Variants in ZNF721 observed in about 807,000 individuals in gnomAD.
The protein encoded by ZNF721 is zinc finger protein 721.
ZNF721 carries 2 observed loss-of-function variants against 2.4 expected under a neutral mutation model. That is an observed-to-expected ratio of 0.82 (90% confidence interval 0.34 to 2.58). The LOEUF is 2.58. Among genes scored for constraint, ZNF721 ranks in the 30% most tolerant of loss-of-function variants. ZNF721 has a pLI of 0.11. For synonymous variants in ZNF721, 398 were observed against 381.8 expected (o/e 1.04, Z -0.50); for missense variants, 1,187 against 1,085.5 (o/e 1.09, Z -1.31).
intron 1 of ZNF721, among the ~76,000 whole-genome samples, chr4:478,751 T>C (rs1412070788): frequency 2.6e-5 from 4 of 151,374 alleles, no homozygotes; most frequent in African/African-American, 9.7e-5. Context: ...TTTTGTACAT[T>C]GTGCAAAGGA....
At chr4:448,767 A>G (rs1714559183) in intron 2 of ZNF721, among the ~76,000 whole-genome samples, 1 of 152,230 alleles carries the variant, frequency 6.6e-6, no homozygotes, top group Non-Finnish European at 1.5e-5. Flanking sequence ...AAATCTGCCA[A>G]AAATACAAAC....
intron 2 of ZNF721, among the ~76,000 whole-genome samples, chr4:464,600 G>C (rs1049979405): frequency 4.6e-5 from 7 of 151,922 alleles, no homozygotes; most frequent in Non-Finnish European, 5.9e-5. Flanking sequence ...AAGATGTAAA[G>C]TGTGACATAA....
chr4:456,771 T>C (rs1001260128), intron 2 of ZNF721, among the ~76,000 whole-genome samples: 12 of 152,080 alleles, frequency 7.9e-5, no homozygotes, highest in Non-Finnish European at 1.5e-4. Context: ...ACCAGCTACT[T>C]GGGAGCCTGA....
At chr4:468,072 G>T (rs1715311589) in intron 2 of ZNF721, among the ~76,000 whole-genome samples, 1 of 152,164 alleles carries the variant, frequency 6.6e-6, no homozygotes, top group Non-Finnish European at 1.5e-5. Flanking sequence ...GAGGTCAGGA[G>T]ATCGAGACCG....
Position 499,074 on chromosome 4 carries a change from C to G in ZNF721, c.-112G>C, listed in dbSNP as rs920886028. ...CTCGTACCTCGCCGTGGGCGGCGAC[C>G]GTCGCGGACTCGCCGGGAAGACGGC... On this transcript the variant is annotated 5_prime_UTR_variant, in exon 1 of 3. Transcript: ENST00000511833. The G allele has an allele frequency of 2.1e-5, 11 of 534,740 alleles. No homozygotes were observed. The Admixed American group carries it at 2.2e-4, about 11-fold the overall frequency. 33.1% of individuals were successfully genotyped at this position (534,740 alleles called of 1,614,324 possible).
chr4:449,535 C>T lies in ZNF721; in HGVS notation c.35-5103G>A, dbSNP rs553534530. Among the ~76,000 whole-genome samples the T allele has an allele frequency of 1.1e-4, 16 of 152,172 alleles. No individual in the cohort carries two copies. In the South Asian group the frequency reaches 3.3e-3, roughly 32 times the overall value. Reference sequence around the variant, plus strand: ...TACCACACAGTACAGAGCAAAGAATCTTAAGACCTCAAAAGCACAGGCAGA... The same window carrying T: ...TACCACACAGTACAGAGCAAAGAATTTTAAGACCTCAAAAGCACAGGCAGA... On this transcript the variant is annotated intron_variant, in intron 2 of 2. Coordinates refer to ENST00000511833, the MANE Select transcript of ZNF721 (RefSeq NM_133474.4).
chr4:462,368 A>G (rs1027771717), intron 2 of ZNF721, among the ~76,000 whole-genome samples: 2 of 152,226 alleles, frequency 1.3e-5, no homozygotes, highest in Admixed American at 6.5e-5. Flanking sequence ...CCATCAAGCT[A>G]CCACTGACTT....
chr4:467,202 G>A (rs1273208329), intron 2 of ZNF721, among the ~76,000 whole-genome samples: 1 of 148,424 alleles, frequency 6.7e-6, no homozygotes, highest in African/African-American at 2.6e-5. Flanking sequence ...GGGTGACAGA[G>A]CAAGACTCCA....
At position 443,378 on chromosome 4, in the gene ZNF721, G is replaced by C; in HGVS notation, c.1089C>G (p.Cys363Trp). The change falls in exon 3 of 3, where the codon TGC becomes TGG. Residue 363 changes from cysteine (C) to tryptophan (W), a missense_variant. Transcript: ENST00000511833. ...GTCCAAAGGCTTTGCCACAGTCTTCGCATTTGTAAGGTTTCTCTCCAGTAT... is the reference window on the plus strand; with the variant it reads ...GTCCAAAGGCTTTGCCACAGTCTTCCCATTTGTAAGGTTTCTCTCCAGTAT... The part of the protein sequence containing the change: ...RIHTGEKPYK[C>W]EDCGKAFGRY... The C allele has an allele frequency of 6.2e-7, 1 of 1,612,148 alleles. No individual in the cohort carries two copies. The highest frequency in any genetic ancestry group is 8.5e-7 in the Non-Finnish European group (1 of 1,179,464).
chr4:455,066 CTGG>C (rs1553865264), intron 2 of ZNF721, among the ~76,000 whole-genome samples: 1 of 152,192 alleles, frequency 6.6e-6, no homozygotes, highest in Non-Finnish European at 1.5e-5. Flanking sequence ...GCTTCCCGGT[CTGG>C]TGGTGAATCC....
At chr4:451,869 G>T (rs1250339544) in intron 2 of ZNF721, among the ~76,000 whole-genome samples, 4 of 152,186 alleles carry the variant, frequency 2.6e-5, no homozygotes, top group African/African-American at 9.6e-5. Flanking sequence ...CTCTCCCTTG[G>T]CCATTGAGTG....
At chr4:494,407 C>T (rs1716098593) in intron 1 of ZNF721, among the ~76,000 whole-genome samples, 2 of 151,802 alleles carry the variant, frequency 1.3e-5, no homozygotes, top group South Asian at 2.1e-4. Flanking sequence ...AGGATGGTCT[C>T]GATCTCCCGA....
intron 1 of ZNF721, among the ~76,000 whole-genome samples, chr4:482,285 T>A (rs1715789465): frequency 6.6e-6 from 1 of 152,138 alleles, no homozygotes; most frequent in South Asian, 2.1e-4. Context: ...TGCCTCAACC[T>A]CCTGAGCCAC....
chr4:473,056 A>T (rs541133867), intron 1 of ZNF721, among the ~76,000 whole-genome samples: 2 of 152,254 alleles, frequency 1.3e-5, no homozygotes, highest in African/African-American at 4.8e-5. Flanking sequence ...AATTTAAAAA[A>T]CAGAAATGTT....
chr4:494,277 G>T (rs1419843018), intron 1 of ZNF721, among the ~76,000 whole-genome samples: 2 of 151,576 alleles, frequency 1.3e-5, no homozygotes, highest in African/African-American at 2.4e-5. Flanking sequence ...CGCCTCCTGG[G>T]TTCACGCCAT....
chr4:468,999 G>A (rs1454787084), intron 2 of ZNF721, among the ~76,000 whole-genome samples: 1 of 152,134 alleles, frequency 6.6e-6, no homozygotes, highest in African/African-American at 2.4e-5. Flanking sequence ...ATATGATCAT[G>A]CATATATATG....
chr4:467,169 A>G (rs937802000), intron 2 of ZNF721, among the ~76,000 whole-genome samples: 4 of 152,064 alleles, frequency 2.6e-5, no homozygotes, highest in African/African-American at 9.7e-5. Flanking sequence ...GTGAGCCGAG[A>G]TTGCGCCACT....
chr4:467,179 T>G (rs557969675), intron 2 of ZNF721, among the ~76,000 whole-genome samples: 1 of 151,734 alleles, frequency 6.6e-6, no homozygotes, highest in African/African-American at 2.4e-5. Context: ...ATTGCGCCAC[T>G]GCACTCCAGC....
At chr4:491,762 T>C (rs140615665) in intron 1 of ZNF721, among the ~76,000 whole-genome samples, 1,825 of 152,328 alleles carry the variant, frequency 0.012, 13 homozygotes, top group Middle Eastern at 0.041. Flanking sequence ...CAGGACTTGG[T>C]GTCCTTTTTA....
Sources: gnomAD v4.1 joint callset for allele counts (sites outside exome capture counted in the v4.1 genomes callset) on GRCh38, gnomAD v4.1.1 for gene constraint, MANE v1.5 for transcripts, NCBI Gene and HGNC (gene_info 2026-07-23, HGNC 2026-07-21) for gene names.